Variants in INPP4B observed in about 807,000 individuals in gnomAD.
The protein encoded by INPP4B is inositol polyphosphate 4-phosphatase type II.
INPP4B carries 55 observed loss-of-function variants against 122.5 expected under a neutral mutation model. That is an observed-to-expected ratio of 0.45 (90% CI 0.36 to 0.56). The LOEUF is 0.56. INPP4B is among the 20% of genes least tolerant of loss of function. The pLI is 0.00. For missense variants in INPP4B, 1,000 were observed against 1,097.7 expected (o/e 0.91, Z 1.26); for synonymous variants, 403 against 388.7 (o/e 1.04, Z -0.43).
chr4:142,819,773 TAC>T (rs149996697), intron 1 of INPP4B, among the ~76,000 whole-genome samples: 2 of 151,794 alleles, frequency 1.3e-5, no homozygotes, highest in Non-Finnish European at 2.9e-5. Flanking sequence ...CCAGGGAAGT[TAC>T]ACACACACAC....
intron 15 of INPP4B, among the ~76,000 whole-genome samples, chr4:142,189,292 G>C (rs1359162377): frequency 6.6e-6 from 1 of 152,132 alleles, no homozygotes; most frequent in Non-Finnish European, 1.5e-5. Context: ...ATGATTATTT[G>C]TGAAACTTTT....
At chr4:142,185,995 A>G (rs1342801337) in intron 15 of INPP4B, among the ~76,000 whole-genome samples, 1 of 152,046 alleles carries the variant, frequency 6.6e-6, no homozygotes, top group Non-Finnish European at 1.5e-5. Context: ...ATAAGGATAT[A>G]CCTTGCAAGC....
chr4:142,775,890 A>G (rs1419811450), intron 1 of INPP4B, among the ~76,000 whole-genome samples: 1 of 152,146 alleles, frequency 6.6e-6, no homozygotes, highest in Non-Finnish European at 1.5e-5. Context: ...ATATTTGGTA[A>G]GAGTTTTTAT....
At chr4:142,643,873 AAC>A in intron 2 of INPP4B, among the ~76,000 whole-genome samples, 1 of 152,268 alleles carries the variant, frequency 6.6e-6, no homozygotes, top group South Asian at 2.1e-4. Context: ...AGAAAACTGA[AAC>A]AATAGTGGAA....
At chr4:142,662,451 CCTCT>C (rs775103910) in intron 2 of INPP4B, among the ~76,000 whole-genome samples, 34 of 151,938 alleles carry the variant, frequency 2.2e-4, no homozygotes, top group Non-Finnish European at 4.4e-4. Context: ...AAAATTTTCC[CCTCT>C]CTATTTCAGA....
At chr4:142,357,364 A>T (rs1783953311) in intron 7 of INPP4B, among the ~76,000 whole-genome samples, 1 of 152,034 alleles carries the variant, frequency 6.6e-6, no homozygotes, top group African/African-American at 2.4e-5. Context: ...AAATTGCTGA[A>T]CACACAGTTG....
intron 2 of INPP4B, chr4:142,518,855 G>C (rs1023768293): frequency 1.3e-5 from 2 of 152,132 alleles, no homozygotes; most frequent in African/African-American, 4.8e-5. Context: ...CAGATGACTG[G>C]AACCCCAGCT....
intron 1 of INPP4B, among the ~76,000 whole-genome samples, chr4:142,773,015 C>T (rs1255661186): frequency 6.6e-6 from 1 of 152,016 alleles, no homozygotes; most frequent in East Asian, 1.9e-4. Context: ...CACTACACTC[C>T]AGCCTGGGTG....
chr4:142,264,232 C>G (rs1332181992), intron 10 of INPP4B, among the ~76,000 whole-genome samples: 3 of 151,944 alleles, frequency 2.0e-5, no homozygotes, highest in Admixed American at 6.6e-5. Flanking sequence ...TAAGTCATTA[C>G]TGTAAACATC....
intron 1 of INPP4B, among the ~76,000 whole-genome samples, chr4:142,832,221 G>C (rs1007259134): frequency 6.6e-6 from 1 of 152,120 alleles, no homozygotes; most frequent in African/African-American, 2.4e-5. Flanking sequence ...AAATGACCGT[G>C]TAAATGAAGC....
chr4:142,128,413 A>G (rs571463146), intron 18 of INPP4B, among the ~76,000 whole-genome samples: 42 of 152,012 alleles, frequency 2.8e-4, no homozygotes, highest in African/African-American at 8.4e-4. Flanking sequence ...AACCTAGTGA[A>G]GCTGGGGAGC....
Position 142,358,208 on chromosome 4 carries a change from G to A in INPP4B, c.373-43446C>T, listed in dbSNP as rs193246000. Among the ~76,000 whole-genome samples, 5 of 152,044 alleles carry A rather than the reference G, an allele frequency of 3.3e-5. No homozygotes were observed. In the East Asian group the frequency reaches 7.8e-4, roughly 24 times the overall value. ...TATTGCAAGGAAATTCTGGGAGACT[G>A]GTGGCAATACTGCCTAAACATCACA... is the stretch of plus-strand genomic sequence containing the variant. On this transcript the variant is annotated intron_variant, in intron 7 of 25. Transcript: ENST00000262992.
chr4:142,429,375 C>T (rs1212622052), intron 4 of INPP4B, among the ~76,000 whole-genome samples, 158 bp from the exon 5 acceptor site: 1 of 151,976 alleles, frequency 6.6e-6, no homozygotes, highest in Admixed American at 6.6e-5. Flanking sequence ...AATCAGTTCT[C>T]AGGGCAGGGC....
intron 2 of INPP4B, among the ~76,000 whole-genome samples, chr4:142,639,417 T>C (rs1047804615): frequency 6.6e-6 from 1 of 152,184 alleles, no homozygotes; most frequent in Non-Finnish European, 1.5e-5. Flanking sequence ...ATTGATTAAA[T>C]AGGTTTATTC....
intron 11 of INPP4B, among the ~76,000 whole-genome samples, chr4:142,243,795 G>T (rs552637716): frequency 7.9e-4 from 121 of 152,208 alleles, no homozygotes; most frequent in African/African-American, 2.8e-3. Flanking sequence ...GCATTGTTTG[G>T]ATGGGGGTGG....
chr4:142,751,305 C>T lies in INPP4B; in HGVS notation c.-253-25404G>A, dbSNP rs923808161. Among the ~76,000 whole-genome samples the T allele has an allele frequency of 5.7e-5, 6 of 105,106 alleles. No homozygotes were observed. The East Asian group carries it at 1.8e-3, about 32-fold the overall frequency. 69.0% of individuals were successfully genotyped at this position (105,106 alleles called of 152,430 possible). A position where few individuals can be genotyped will look rare whatever the true frequency, so the allele number is the denominator to read the frequency against. On this transcript the variant is annotated intron_variant, in intron 1 of 25. Transcript: ENST00000262992. ...TGTCAAAAAAAAAAAAAAAAAAAAA[C>T]AAGCCTGATGACGACAATTGACCTC...
At chr4:142,314,321 T>C (rs1408361829) in intron 8 of INPP4B, among the ~76,000 whole-genome samples, 1 of 152,140 alleles carries the variant, frequency 6.6e-6, no homozygotes, top group East Asian at 1.9e-4. Context: ...AGTGTTTAAG[T>C]GGCAGGAAAC....
At chr4:142,375,132 C>T (rs780522605) in intron 7 of INPP4B, among the ~76,000 whole-genome samples, 2 of 151,782 alleles carry the variant, frequency 1.3e-5, no homozygotes, top group Non-Finnish European at 2.9e-5. Context: ...TTCTGAAAGG[C>T]CAGCAACCTC....
chr4:142,714,888 A>C (rs1177519763), intron 2 of INPP4B, among the ~76,000 whole-genome samples: 1 of 152,198 alleles, frequency 6.6e-6, no homozygotes, highest in Non-Finnish European at 1.5e-5. Context: ...TACAAATCAG[A>C]CTGGACTGAA....
Sources: gnomAD v4.1 joint callset for allele counts (sites outside exome capture counted in the v4.1 genomes callset) on GRCh38, gnomAD v4.1.1 for gene constraint, MANE v1.5 for transcripts, NCBI Gene and HGNC (gene_info 2026-07-23, HGNC 2026-07-21) for gene names.